FSTL5: variants seen among roughly 807,000 people sequenced by gnomAD.
FSTL5 encodes follistatin-related protein 5.
In FSTL5, 62 loss-of-function variants were observed where a neutral mutation model predicts 89.1. The observed-to-expected ratio is 0.70, with a 90% CI of 0.57 to 0.86. FSTL5 has a LOEUF of 0.86. Ranked by LOEUF, FSTL5 falls within the 40% of genes least tolerant of loss-of-function variation. FSTL5 has a pLI of 0.00. For missense variants in FSTL5, 1,057 were observed against 1,001.6 expected, an observed-to-expected ratio of 1.06 and a Z score of -0.75; for synonymous variants, 383 against 346.2, an observed-to-expected ratio of 1.11 and a Z score of -1.18.
chr4:161,457,348 C>T (rs1428123359), intron 14 of FSTL5, among the ~76,000 whole-genome samples: 1 of 152,262 alleles, frequency 6.6e-6, no homozygotes, highest in Admixed American at 6.5e-5. Context: ...TCCACTCCCA[C>T]CTGGCAAATA....
intron 4 of FSTL5, among the ~76,000 whole-genome samples, chr4:161,790,124 A>AAAT (rs1729409284): frequency 1.3e-5 from 2 of 152,360 alleles, no homozygotes; most frequent in Admixed American, 1.3e-4. Context: ...TAATAAGTAG[A>AAAT]AATTCTTACA....
intron 7 of FSTL5, among the ~76,000 whole-genome samples, chr4:161,588,656 C>A (rs765155615): frequency 2.0e-5 from 3 of 152,086 alleles, no homozygotes; most frequent in Non-Finnish European, 2.9e-5. Context: ...GAAAGGTTCA[C>A]AATAGCCCAC....
At chr4:161,596,558 T>C (rs1039204732) in intron 7 of FSTL5, among the ~76,000 whole-genome samples, 1 of 152,092 alleles carries the variant, frequency 6.6e-6, no homozygotes, top group Non-Finnish European at 1.5e-5. Context: ...AATTGATATG[T>C]TCTCTTCTTG....
intron 15 of FSTL5, among the ~76,000 whole-genome samples, chr4:161,422,563 T>C (rs1450795376): frequency 6.6e-6 from 1 of 152,172 alleles, no homozygotes; most frequent in African/African-American, 2.4e-5. Flanking sequence ...ACTAAAAGCA[T>C]GGAAGTGCTA....
At chr4:161,494,709 C>G (rs1730003446) in intron 12 of FSTL5, among the ~76,000 whole-genome samples, 1 of 152,006 alleles carries the variant, frequency 6.6e-6, no homozygotes, top group South Asian at 2.1e-4. Flanking sequence ...CATCAGACTC[C>G]CTGTATAAAG....
chr4:161,721,718 A>C (rs1739225659), intron 6 of FSTL5, among the ~76,000 whole-genome samples: 1 of 152,178 alleles, frequency 6.6e-6, no homozygotes, highest in Non-Finnish European at 1.5e-5. Context: ...TATAAGTCAC[A>C]CTGCGTCAGA....
At chr4:161,655,244 A>G (rs1736475413) in intron 7 of FSTL5, among the ~76,000 whole-genome samples, 1 of 152,054 alleles carries the variant, frequency 6.6e-6, no homozygotes, top group Non-Finnish European at 1.5e-5. Flanking sequence ...CATTATTTTC[A>G]GAGATGATTA....
chr4:162,055,556 TAGATAGAC>T (rs1738515461), intron 2 of FSTL5, among the ~76,000 whole-genome samples: 1 of 150,168 alleles, frequency 6.7e-6, no homozygotes, highest in Admixed American at 6.7e-5. Context: ...GATAGATAGA[TAGATAGAC>T]AAATTGTAAG....
intron 3 of FSTL5, among the ~76,000 whole-genome samples, chr4:161,954,925 A>G (rs1734989095): frequency 6.6e-6 from 1 of 151,728 alleles, no homozygotes; most frequent in African/African-American, 2.4e-5. Flanking sequence ...GCAAAATTCA[A>G]TGATAAAAGT....
intron 8 of FSTL5, among the ~76,000 whole-genome samples, chr4:161,543,170 T>A (rs1222496541): frequency 1.3e-5 from 2 of 152,026 alleles, no homozygotes; most frequent in Non-Finnish European, 2.9e-5. Context: ...AATTAATAAT[T>A]CTGTTTACAA....
intron 2 of FSTL5, among the ~76,000 whole-genome samples, chr4:162,075,345 G>C (rs553550923): frequency 3.6e-4 from 54 of 151,976 alleles, no homozygotes; most frequent in African/African-American, 1.3e-3. Context: ...GAGTCACTGA[G>C]ACAGAGGCCA....
intron 2 of FSTL5, among the ~76,000 whole-genome samples, chr4:162,106,567 T>C (rs1306729471): frequency 6.6e-6 from 1 of 151,910 alleles, no homozygotes; most frequent in East Asian, 1.9e-4. Flanking sequence ...TAAATTGGGA[T>C]GGAAAATTAC....
intron 3 of FSTL5, among the ~76,000 whole-genome samples, chr4:161,952,363 T>A (rs564147728): frequency 6.6e-6 from 1 of 151,988 alleles, no homozygotes; most frequent in South Asian, 2.1e-4. Flanking sequence ...ATAAAGAAGG[T>A]GGAATATGAT....
intron 4 of FSTL5, among the ~76,000 whole-genome samples, chr4:161,804,574 T>G (rs1729901457): frequency 6.6e-6 from 1 of 151,876 alleles, no homozygotes; most frequent in African/African-American, 2.4e-5. Context: ...TTTCCCTATT[T>G]ATTATATAAT....
At chr4:161,914,339 T>C (rs1365187826) in intron 4 of FSTL5, among the ~76,000 whole-genome samples, 1 of 152,154 alleles carries the variant, frequency 6.6e-6, no homozygotes, top group Non-Finnish European at 1.5e-5. Context: ...TAAAATTGTC[T>C]AAGGATTTGA....
intron 2 of FSTL5, among the ~76,000 whole-genome samples, chr4:162,054,636 C>A (rs1293208720): frequency 6.6e-6 from 1 of 151,882 alleles, no homozygotes; most frequent in African/African-American, 2.4e-5. Flanking sequence ...CCATCACTCT[C>A]TTTTCTTAGA....
intron 4 of FSTL5, among the ~76,000 whole-genome samples, chr4:161,886,822 A>T (rs1732823249): frequency 6.6e-6 from 1 of 152,204 alleles, no homozygotes; most frequent in Admixed American, 6.5e-5. Context: ...GCACATGCTA[A>T]ATATGATATT....
chr4:161,470,949 A>C (rs1733915442), intron 13 of FSTL5, among the ~76,000 whole-genome samples: 1 of 152,202 alleles, frequency 6.6e-6, no homozygotes, highest in Non-Finnish European at 1.5e-5. Flanking sequence ...CTGATACTTT[A>C]TTGAATTCAT....
intron 3 of FSTL5, among the ~76,000 whole-genome samples, chr4:161,983,839 C>T (rs941656825): frequency 6.6e-6 from 1 of 152,008 alleles, no homozygotes; most frequent in Non-Finnish European, 1.5e-5. Context: ...ATTTTGGGTC[C>T]TATAAACATG....
Sources: allele counts gnomAD v4.1 joint callset (sites outside exome capture counted in the v4.1 genomes callset), GRCh38; gene constraint gnomAD v4.1.1; transcripts MANE v1.5; gene names NCBI Gene and HGNC (gene_info 2026-07-23, HGNC 2026-07-21).